VPS13A: variants seen among roughly 807,000 people sequenced by gnomAD.
VPS13A encodes intermembrane lipid transfer protein VPS13A.
Under a neutral mutation model 390.9 loss-of-function variants are expected in VPS13A, and 264 were observed. That is an observed-to-expected ratio of 0.68 (90% CI 0.61 to 0.75). The LOEUF is 0.75. Among genes scored for constraint, VPS13A ranks in the 30% least tolerant of loss-of-function variants. VPS13A has a pLI of 0.00. For synonymous variants in VPS13A, 1,231 were observed against 1,227.1 expected, an observed-to-expected ratio of 1.00 and a Z score of -0.07; for missense variants, 3,409 against 3,733.9, an observed-to-expected ratio of 0.91 and a Z score of 2.27.
intron 22 of VPS13A, among the ~76,000 whole-genome samples, chr9:77,253,090 C>T (rs1310418113): frequency 3.9e-5 from 6 of 152,114 alleles, no homozygotes; most frequent in Non-Finnish European, 8.8e-5. Flanking sequence ...TTTTACTTTC[C>T]TACCAGCACA....
chr9:77,207,595 A>G (rs1825756321), intron 5 of VPS13A, among the ~76,000 whole-genome samples: 1 of 151,686 alleles, frequency 6.6e-6, no homozygotes, highest in Non-Finnish European at 1.5e-5. Context: ...CTTTTAGTTA[A>G]CCTCCCTGTT....
At chr9:77,397,190 C>T (rs934695319) in intron 68 of VPS13A, among the ~76,000 whole-genome samples, 17 of 152,134 alleles carry the variant, frequency 1.1e-4, no homozygotes, top group Non-Finnish European at 2.1e-4. Flanking sequence ...GGGGTCTCAC[C>T]GTGTTGGCCA....
chr9:77,337,767 T>C (rs1268889161), intron 47 of VPS13A: 1 of 440,098 alleles, frequency 2.3e-6, no homozygotes, highest in Admixed American at 3.8e-5. Context: ...TGTATTCTTT[T>C]AGTGCTGATT....
chr9:77,323,279 A>T (rs764712950), intron 45 of VPS13A, 52 bp downstream of exon 45: 1 of 1,587,636 alleles, frequency 6.3e-7, no homozygotes, highest in Non-Finnish European at 8.6e-7. Flanking sequence ...TCTGTGTGCT[A>T]ATAAAATTAA....
In VPS13A at chr9:77,319,574, G is replaced by C. The variant is rs778185841; in HGVS notation, c.5316G>C (p.Val1772=). 2 of 1,580,472 alleles carry C rather than the reference G, an allele frequency of 1.3e-6. No individual in the cohort carries two copies. The highest frequency in any genetic ancestry group is 8.7e-7 in the Non-Finnish European group (1 of 1,150,116). Residue 1772 remains valine, a splice_region_variant and synonymous_variant, in exon 42 of 72, where the codon GTG becomes GTC. Transcript: ENST00000360280. ...INLHCQLELE[V]HYYNEMFGVW... is the part of the protein sequence containing the mutation. ...AATTTAAAAAATTCTCTCTGTAGGT[G>C]CATTATTATAATGAAATGTTTGGTG...
In VPS13A at chr9:77,308,049, A is replaced by G. The variant is rs970555193; in HGVS notation, c.4065A>G (p.Gln1355=). 42 of 1,613,868 alleles carry G rather than the reference A, an allele frequency of 2.6e-5. No individual in the cohort carries two copies. The highest frequency in any genetic ancestry group is 3.4e-5 in the Non-Finnish European group (40 of 1,179,924). The change falls in exon 35 of 72, where the codon CAA becomes CAG. Residue 1355 remains glutamine, a synonymous_variant. Transcript: ENST00000360280. ...GSASPAVTKD[Q]YSATSGVTTN... is the part of the protein sequence containing the mutation. ...CCTCACCTGCTGTAACAAAAGACCA[A>G]TACAGTGCCACTAGTGGAGTTACTA...
At chr9:77,352,850 G>A (rs1203805460) in intron 53 of VPS13A, among the ~76,000 whole-genome samples, 1 of 151,998 alleles carries the variant, frequency 6.6e-6, no homozygotes, top group Non-Finnish European at 1.5e-5. Flanking sequence ...AGAAATTAAT[G>A]GCTGAATATT....
chr9:77,214,210 G>T, intron 9 of VPS13A, 119 bp from the exon 10 acceptor site: 1 of 809,710 alleles, frequency 1.2e-6, no homozygotes, highest in Admixed American at 1.8e-5. Flanking sequence ...CATGAGACAG[G>T]GGTTGCAGTG....
intron 13 of VPS13A, among the ~76,000 whole-genome samples, chr9:77,221,915 T>G (rs1823242303): frequency 6.6e-6 from 1 of 152,146 alleles, no homozygotes; most frequent in East Asian, 1.9e-4. Flanking sequence ...AGAGCCCTTT[T>G]TCTCTTAATT....
intron 34 of VPS13A, among the ~76,000 whole-genome samples, chr9:77,307,717 A>G (rs553269425): frequency 2.0e-5 from 3 of 152,214 alleles, no homozygotes; most frequent in Non-Finnish European, 4.4e-5. Flanking sequence ...ATAGTTCTTT[A>G]TTCATAACTT....
intron 26 of VPS13A, among the ~76,000 whole-genome samples, chr9:77,278,237 AT>A (rs57545793): frequency 1.5e-3 from 170 of 115,362 alleles, no homozygotes; most frequent in East Asian, 5.0e-3. Flanking sequence ...CGCCCAGCTA[AT>A]TTTTTTTTTT....
intron 19 of VPS13A, among the ~76,000 whole-genome samples, chr9:77,240,436 T>C (rs1400530935): frequency 6.6e-6 from 1 of 151,390 alleles, no homozygotes; most frequent in Non-Finnish European, 1.5e-5. Flanking sequence ...CTTGTAAGAA[T>C]CTGCTGGTGG....
rs1831029970 is a variant in VPS13A, at chr9:77,344,433, A to G, written c.7155+152A>G. On this transcript the variant is annotated intron_variant, in intron 51 of 71. Transcript: ENST00000360280. ...AACATTTCTTTTTGTAGAAGGAAAC[A>G]GAGATCTAAGATAATTTAATTGTTA... 2.5e-5 allele frequency: 24 copies of G among 974,482 alleles called. No homozygotes were observed. The South Asian group carries it at 3.4e-4, about 14-fold the overall frequency. 60.4% of individuals were successfully genotyped at this position (974,482 alleles called of 1,614,324 possible).
intron 14 of VPS13A, 25 bp downstream of exon 14, chr9:77,226,013 A>G: frequency 1.9e-6 from 3 of 1,581,258 alleles, no homozygotes; most frequent in Non-Finnish European, 2.6e-6. Flanking sequence ...TTCAATTAGT[A>G]AAAATAATTC....
chr9:77,350,624 A>G (rs967266332), intron 52 of VPS13A, among the ~76,000 whole-genome samples: 6 of 152,148 alleles, frequency 3.9e-5, no homozygotes, highest in African/African-American at 1.2e-4. Flanking sequence ...ACATCATTGA[A>G]CTGTGAGAGT....
chr9:77,183,402 C>A (rs983748583), intron 1 of VPS13A, among the ~76,000 whole-genome samples: 1 of 152,058 alleles, frequency 6.6e-6, no homozygotes, highest in African/African-American at 2.4e-5. Context: ...CTTCTTGTCC[C>A]CAGGTTTTTG....
intron 1 of VPS13A, among the ~76,000 whole-genome samples, chr9:77,181,179 T>A (rs1823994018): frequency 6.6e-6 from 1 of 152,056 alleles, no homozygotes; most frequent in African/African-American, 2.4e-5. Flanking sequence ...AAGTAGTAAT[T>A]TGATAAATTT....
intron 67 of VPS13A, among the ~76,000 whole-genome samples, chr9:77,379,399 C>G (rs1833307439): frequency 6.6e-6 from 1 of 152,138 alleles, no homozygotes; most frequent in South Asian, 2.1e-4. Flanking sequence ...TGCCACCACA[C>G]CCGGCTAATT....
chr9:77,210,393 C>A (rs1825916189), intron 6 of VPS13A, among the ~76,000 whole-genome samples: 1 of 133,774 alleles, frequency 7.5e-6, no homozygotes, highest in Admixed American at 8.1e-5. Context: ...ACAGTTGCAC[C>A]CCACCAGGCC....
Sources: gnomAD v4.1 joint callset for allele counts (sites outside exome capture counted in the v4.1 genomes callset) on GRCh38, gnomAD v4.1.1 for gene constraint, MANE v1.5 for transcripts, NCBI Gene and HGNC (gene_info 2026-07-23, HGNC 2026-07-21) for gene names.